The following TASOR2 variants were observed in gnomAD, a reference collection of about 807,000 sequenced individuals.
TASOR2 encodes transcription activation suppressor family member 2.
In TASOR2, 84 loss-of-function variants were observed where a neutral mutation model predicts 199.5. The observed-to-expected ratio is 0.42, with a 90% CI of 0.35 to 0.50. The LOEUF is 0.50. Among genes scored for constraint, TASOR2 ranks in the 20% least tolerant of loss-of-function variants. The pLI is 0.02. For missense variants in TASOR2, 2,796 were observed against 2,835.9 expected (o/e 0.99, Z 0.32); for synonymous variants, 1,103 against 1,046.6 (o/e 1.05, Z -1.04).
Position 5,754,782 on chromosome 10 carries a change from G to A in TASOR2, c.6607-1831G>A, listed in dbSNP as rs1027169583. On this transcript the variant is annotated intron_variant, in intron 15 of 20. Coordinates refer to ENST00000328090, the Ensembl canonical transcript of TASOR2. This position sits in a 1 kb window ranked among gnomAD's most constrained non-coding sequence, Gnocchi z 4.3. ...GACACGGCCGGGCGCGGTGGCTCAC[G>A]CCTGTAATCCCAGCACTTTGGGAGG... 6.6e-6 allele frequency among the ~76,000 whole-genome samples: 1 copy of A among 152,120 alleles called. No homozygotes were observed. Among genetic ancestry groups the A allele is most frequent in the African/African-American group, 2.4e-5 (1 of 41,430 alleles).
At chr10:5,718,502 C>T (rs1832930757) in intron 3 of TASOR2, among the ~76,000 whole-genome samples, 3 of 151,494 alleles carry the variant, frequency 2.0e-5, no homozygotes, top group African/African-American at 7.3e-5. Flanking sequence ...AATCCCAGCA[C>T]TTTGGGAGGC....
At chr10:5,763,323 T>TCCA in exon 21 of TASOR2, 2 of 312,008 alleles carry the variant, frequency 6.4e-6, no homozygotes, top group Non-Finnish European at 1.2e-5. Context: ...TTTACATGTT[T>TCCA]ACTTAGTTGG....
intron 1 of TASOR2, chr10:5,712,340 A>T (rs1832029574): frequency 8.3e-7 from 1 of 1,203,576 alleles, no homozygotes; most frequent in Admixed American, 4.2e-5. Context: ...GTCTCCCTTA[A>T]CCCCATCCTT....
chr10:5,707,750 ACACACACACACACACACACACACAC>A (rs1451665836), intron 1 of TASOR2, among the ~76,000 whole-genome samples: 3 of 146,684 alleles, frequency 2.0e-5, no homozygotes, highest in Admixed American at 6.9e-5. Context: ...ACACACACAC[ACACACACACACACACACACACACAC>A]TTCTTCTGAA....
intron 1 of TASOR2, among the ~76,000 whole-genome samples, chr10:5,709,341 C>T (rs1440370679): frequency 6.6e-6 from 1 of 152,090 alleles, no homozygotes; most frequent in African/African-American, 2.4e-5. Flanking sequence ...GGAGGAAAAA[C>T]ATTTCAGATT....
intron 17 of TASOR2, among the ~76,000 whole-genome samples, chr10:5,758,323 TGG>T (rs1839267985): frequency 6.6e-6 from 1 of 152,106 alleles, no homozygotes; most frequent in East Asian, 1.9e-4. Flanking sequence ...GGAGGATCCC[TGG>T]AGATCAGGAG....
rs995931692 is a variant in TASOR2 at position 5,746,929 on chromosome 10, C to T, written c.3508C>T (p.His1170Tyr). 12 of 1,614,068 alleles carry T rather than the reference C, an allele frequency of 7.4e-6. No homozygotes were observed. The highest frequency in any genetic ancestry group is 3.3e-5 in the Admixed American group (2 of 60,006). The change falls in exon 15 of 21, where the codon CAT becomes TAT. Residue 1170 changes from histidine to tyrosine, a missense_variant. His to Tyr is a moderately conservative substitution (Grantham distance 83, BLOSUM62 2). Transcript: ENST00000328090. ...ACTATCATTAGCTAAAAGTTCTAGT[C>T]ATCTATCACCCAGTGAAGAAGTGAG...
intron 1 of TASOR2, among the ~76,000 whole-genome samples, chr10:5,688,524 C>T (rs1836055350): frequency 6.6e-6 from 1 of 151,458 alleles, no homozygotes; most frequent in Non-Finnish European, 1.5e-5. Context: ...ACATCCAGCC[C>T]CTAACAATTT....
chr10:5,715,997 T>C (rs896716849), intron 2 of TASOR2, among the ~76,000 whole-genome samples: 1 of 152,174 alleles, frequency 6.6e-6, no homozygotes, highest in African/African-American at 2.4e-5. Context: ...CTAGAGGGCA[T>C]AGCCTACTAC....
intron 3 of TASOR2, among the ~76,000 whole-genome samples, chr10:5,718,759 C>G (rs1832978261): frequency 1.8e-5 from 1 of 56,916 alleles, no homozygotes; most frequent in Non-Finnish European, 4.2e-5. Context: ...AAAACTCTGT[C>G]TCAAAAAAAA....
At position 5,762,508 on chromosome 10, in the gene TASOR2, GTTGTTTT is replaced by G. The variant is rs1056840412; in HGVS notation, c.7175-21_7175-15del. The G allele has an allele frequency of 6.1e-6, 3 of 488,196 alleles. No homozygotes were observed. The highest frequency in any genetic ancestry group is 4.8e-5 in the African/African-American group (2 of 41,644). 30.2% of individuals were successfully genotyped at this position (488,196 alleles called of 1,614,324 possible). On this transcript the variant is annotated splice_polypyrimidine_tract_variant and intron_variant, in intron 19 of 20. Transcript: ENST00000328090. ...AGTACATTAATTATATTAACCAAAA[GTTGTTTT>G]TTTTTTTTTTTAACAGACAAGCCTA...
intron 1 of TASOR2, among the ~76,000 whole-genome samples, chr10:5,705,491 A>G (rs550368772): frequency 5.9e-5 from 9 of 152,332 alleles, no homozygotes; most frequent in Non-Finnish European, 1.2e-4. Context: ...TCTCTTGGGT[A>G]AATATCTAGG....
chr10:5,752,798 G>C lies in TASOR2; in HGVS notation c.6606+2771G>C, dbSNP rs964020769. On this transcript the variant is annotated intron_variant, in intron 15 of 20. Coordinates refer to ENST00000328090, the Ensembl canonical transcript of TASOR2. This position sits in a 1 kb window ranked among gnomAD's most constrained non-coding sequence, Gnocchi z 4.4. ...ACAGCCTCCTTGTGCCAGAGGGCTG[G>C]TCAGAGTGAGTGAGCCATGTCAGCC... 1.3e-5 allele frequency among the ~76,000 whole-genome samples: 2 copies of C among 152,212 alleles called. No homozygotes were observed. The highest frequency in any genetic ancestry group is 2.9e-5 in the Non-Finnish European group (2 of 68,036).
exon 15 of TASOR2, chr10:5,749,239 A>G (rs1837660089): frequency 6.2e-7 from 1 of 1,614,208 alleles, no homozygotes; most frequent in Non-Finnish European, 8.5e-7. Flanking sequence ...TACCATGAGA[A>G]CTTCACACGG....
At chr10:5,700,585 G>A (rs949481783) in intron 1 of TASOR2, among the ~76,000 whole-genome samples, 3 of 151,760 alleles carry the variant, frequency 2.0e-5, no homozygotes, top group Non-Finnish European at 2.9e-5. Flanking sequence ...CCATATCTTC[G>A]CCGGCATTCA....
At chr10:5,736,707 G>A (rs1218108723) in intron 12 of TASOR2, among the ~76,000 whole-genome samples, 4 of 152,140 alleles carry the variant, frequency 2.6e-5, no homozygotes, top group African/African-American at 4.8e-5. Flanking sequence ...AGAAAGTTTT[G>A]TTGTCACCTT....
At position 5,737,201 on chromosome 10, in the gene TASOR2, C is replaced by T. The variant is rs1334061455; in HGVS notation, c.1447+1655C>T. Among the ~76,000 whole-genome samples the T allele has an allele frequency of 6.6e-6, 1 of 151,916 alleles. No homozygotes were observed. Among genetic ancestry groups the T allele is most frequent in the Non-Finnish European group, 1.5e-5 (1 of 67,990 alleles). ...TCTCAACTTCTTGACCTCTTGACCT[C>T]ATGCTCTGCCTGCCTCGGCCTCCCA... On this transcript the variant is annotated intron_variant, in intron 12 of 20. Coordinates refer to ENST00000328090, the Ensembl canonical transcript of TASOR2. The surrounding 1 kb of genome is among the most constrained non-coding windows in gnomAD (Gnocchi z 4.9).
At chr10:5,756,419 A>G (rs1047760802) in intron 15 of TASOR2, among the ~76,000 whole-genome samples, 194 bp from the exon 17 acceptor site, 1 of 152,162 alleles carries the variant, frequency 6.6e-6, no homozygotes, top group East Asian at 1.9e-4. Flanking sequence ...TTTGAAATCA[A>G]CTTCTAAGTC....
Position 5,742,134 on chromosome 10 carries a change from G to A in TASOR2, c.2365G>A (p.Val789Met), listed in dbSNP as rs369061007. ...TGATTTGCCTGATAATGTGGAAGAA[G>A]TGAAGCTTTTACTTCATATGTGGGT... Residue 789 changes from valine (V) to methionine (M), a missense_variant, in exon 14 of 21, where the codon GTG (valine) becomes ATG (methionine). Transcript: ENST00000328090. This position sits in a 1 kb window ranked among gnomAD's most constrained non-coding sequence, Gnocchi z 4.2. The A allele has an allele frequency of 2.9e-5, 46 of 1,614,034 alleles. No homozygotes were observed. Among genetic ancestry groups the A allele is most frequent in the Non-Finnish European group, 3.8e-5 (45 of 1,180,028 alleles).
Sources: gnomAD v4.1 joint callset for allele counts (sites outside exome capture counted in the v4.1 genomes callset) on GRCh38, gnomAD v4.1.1 for gene constraint, Gnocchi (gnomAD v3.1) non-coding constraint, MANE v1.5 for transcripts, NCBI Gene and HGNC (gene_info 2026-07-23, HGNC 2026-07-21) for gene names.